TNFAIP8L2: variants seen among roughly 807,000 people sequenced by gnomAD.
TNFAIP8L2 encodes tumor necrosis factor alpha-induced protein 8-like protein 2.
Under a neutral mutation model 5.6 loss-of-function variants are expected in TNFAIP8L2, and 2 were observed. That is an observed-to-expected ratio of 0.36 (90% CI 0.15 to 1.13). The LOEUF is 1.13. TNFAIP8L2 is among the 50% of genes most tolerant of loss of function. The probability of loss-of-function intolerance (pLI) is 0.40; values close to 1 mark genes in which losing one functional copy is unlikely to be tolerated. For missense variants in TNFAIP8L2, 216 were observed against 241.8 expected (o/e 0.89, Z 0.71); for synonymous variants, 91 against 101.1 (o/e 0.90, Z 0.60).
chr1:151,157,915 A>G (rs1234428027), intron 1 of TNFAIP8L2, among the ~76,000 whole-genome samples: 2 of 152,198 alleles, frequency 1.3e-5, no homozygotes, highest in African/African-American at 4.8e-5. Flanking sequence ...GTTGCGTTTG[A>G]TCTTGGGTAA....
rs762705314 is a variant in TNFAIP8L2 at position 151,159,177 on chromosome 1, T to C, written c.480T>C (p.Tyr160=). ...ACCCAGGTCTGCTCACGGCCCTCTA[T>C]GGGCCTGACTTCACTCAGCACCTTG... ...FSDPGLLTAL[Y]GPDFTQHLGK... Residue 160 remains tyrosine, a synonymous_variant, in exon 2 of 2, where the codon TAT becomes TAC. Transcript: ENST00000368910. The C allele has an allele frequency of 1.3e-5, 21 of 1,614,068 alleles. 1 individual carries two copies. The South Asian group carries it at 2.3e-4, about 18-fold the overall frequency.
In TNFAIP8L2 at chr1:151,158,776, G is replaced by A. The variant is rs765205855; in HGVS notation, c.79G>A (p.Ala27Thr). The A allele has an allele frequency of 1.2e-6, 2 of 1,614,046 alleles. No individual in the cohort carries two copies. Among genetic ancestry groups the A allele is most frequent in the Middle Eastern group, 1.6e-4 (1 of 6,062 alleles). ...GAGTAAGATGGCGGGTCGCTCTGTGGCTCATCTCTTCATAGATGAGACAAG... is the reference window on the plus strand; with the variant it reads ...GAGTAAGATGGCGGGTCGCTCTGTGACTCATCTCTTCATAGATGAGACAAG... The part of the protein sequence containing the change: ...LLSKMAGRSV[A>T]HLFIDETSSE... The change falls in exon 2 of 2, where the codon GCT (alanine) becomes ACT (threonine). Residue 27 changes from alanine to threonine, a missense_variant. Coordinates refer to ENST00000368910, the MANE Select transcript of TNFAIP8L2 (RefSeq NM_024575.5).
chr1:151,159,128 G>T lies in TNFAIP8L2; in HGVS notation c.431G>T (p.Arg144Leu), dbSNP rs199843185. ...ACGCCCAAGTCACATGGCCGCATCC[G>T]CCACGTGTTTGATCACTTCTCTGAC... Reference protein sequence around the residue: ...HLTPKSHGRIRHVFDHFSDPG... With the variant: ...HLTPKSHGRILHVFDHFSDPG... The change falls in exon 2 of 2, where the codon CGC becomes CTC. Residue 144 changes from arginine (R) to leucine (L), a missense_variant. Physicochemically the swap from Arg to Leu is moderately radical, Grantham distance 102 (BLOSUM62 -2). Transcript: ENST00000368910. 24 of 1,614,124 alleles carry T rather than the reference G, an allele frequency of 1.5e-5. No individual in the cohort carries two copies. Among genetic ancestry groups the T allele is most frequent in the East Asian group, 1.3e-4 (6 of 44,890 alleles).
rs587726767 is a variant in TNFAIP8L2, at chr1:151,159,181, C to A, written c.484C>A (p.Pro162Thr). The A allele has an allele frequency of 3.7e-6, 6 of 1,614,194 alleles. No homozygotes were observed. In the South Asian group the frequency reaches 6.6e-5, roughly 18 times the overall value. ...DPGLLTALYGPDFTQHLGKIC... is the reference protein window; with the variant it reads ...DPGLLTALYGTDFTQHLGKIC... ...AGGTCTGCTCACGGCCCTCTATGGG[C>A]CTGACTTCACTCAGCACCTTGGCAA... is the stretch of plus-strand genomic sequence containing the variant. Residue 162 changes from proline to threonine, a missense_variant, in exon 2 of 2, where the codon CCT (proline) becomes ACT (threonine). Physicochemically the swap from Pro to Thr is conservative, Grantham distance 38. Coordinates refer to ENST00000368910, the MANE Select transcript of TNFAIP8L2 (RefSeq NM_024575.5).
At position 151,159,207 on chromosome 1, in the gene TNFAIP8L2, G is replaced by A; in HGVS notation, c.510G>A (p.Lys170=). The change falls in exon 2 of 2, where the codon AAG becomes AAA. Residue 170 remains lysine, a synonymous_variant. Transcript: ENST00000368910. ...CTGACTTCACTCAGCACCTTGGCAA[G>A]ATCTGTGACGGACTCAGGAAGCTGC... ...YGPDFTQHLG[K]ICDGLRKLLD... 1 of 1,614,114 alleles carries A rather than the reference G, an allele frequency of 6.2e-7. No individual in the cohort carries two copies.
In TNFAIP8L2 at chr1:151,159,453, T is replaced by A. The variant is rs1683357598; in HGVS notation, c.*201T>A. ...AGGAGCAATGCTGAGGGGTGAGGCC[T>A]CTCTCCCACTCCAGCCCCAGGACAG... On this transcript the variant is annotated 3_prime_UTR_variant, in exon 2 of 2. Transcript: ENST00000368910. 1 of 570,612 alleles carries A rather than the reference T, an allele frequency of 1.8e-6. No homozygotes were observed. Among genetic ancestry groups the A allele is most frequent in the Admixed American group, 3.1e-5 (1 of 31,772 alleles). The allele number at this position is 570,612 out of a possible 1,614,324, so 35.3% of individuals were successfully genotyped here.
chr1:151,159,000 A>C lies in TNFAIP8L2; in HGVS notation c.303A>C (p.Ala101=). 1 of 1,614,258 alleles carries C rather than the reference A, an allele frequency of 6.2e-7. No homozygotes were observed. Among genetic ancestry groups the C allele is most frequent in the Non-Finnish European group, 8.5e-7 (1 of 1,180,048 alleles). The change falls in exon 2 of 2, where the codon GCA becomes GCC. Residue 101 remains alanine (A), a synonymous_variant. Transcript: ENST00000368910. ...RQKLRQGAMT[A]LSFGEVDFTF... ...AGCTGCGGCAGGGTGCCATGACGGC[A>C]CTTAGCTTTGGTGAGGTAGACTTCA...
chr1:151,157,203 G>C (rs1329573182), intron 1 of TNFAIP8L2, among the ~76,000 whole-genome samples: 1 of 152,166 alleles, frequency 6.6e-6, no homozygotes, highest in East Asian at 1.9e-4. Flanking sequence ...CTTCCGGCTG[G>C]GGAGCATGGT....
chr1:151,157,118 C>T (rs1342635668), intron 1 of TNFAIP8L2, among the ~76,000 whole-genome samples: 3 of 152,000 alleles, frequency 2.0e-5, no homozygotes, highest in South Asian at 4.1e-4. Flanking sequence ...AAATGTGAGA[C>T]GGCAATGGGG....
At chr1:151,157,969 T>C (rs1303571156) in intron 1 of TNFAIP8L2, among the ~76,000 whole-genome samples, 1 of 152,054 alleles carries the variant, frequency 6.6e-6, no homozygotes, top group Non-Finnish European at 1.5e-5. Context: ...AAAACAAGGA[T>C]GGTAATATCT....
intron 1 of TNFAIP8L2, among the ~76,000 whole-genome samples, chr1:151,157,296 C>G (rs1683257666): frequency 1.3e-5 from 2 of 152,232 alleles, no homozygotes; most frequent in South Asian, 4.1e-4. Flanking sequence ...AAAACCCCCA[C>G]AGTCTCCACC....
chr1:151,157,349 G>C (rs954989885), intron 1 of TNFAIP8L2, among the ~76,000 whole-genome samples: 2 of 152,180 alleles, frequency 1.3e-5, no homozygotes, highest in African/African-American at 4.8e-5. Flanking sequence ...GGGGGAGAGG[G>C]CGAGGCTGCT....
At chr1:151,157,986 C>T (rs746121848) in intron 1 of TNFAIP8L2, among the ~76,000 whole-genome samples, 1 of 152,162 alleles carries the variant, frequency 6.6e-6, no homozygotes, top group Non-Finnish European at 1.5e-5. Flanking sequence ...ATCTATGCCA[C>T]ACAGACATAT....
chr1:151,156,917 C>G (rs947444389), intron 1 of TNFAIP8L2, among the ~76,000 whole-genome samples, 195 bp downstream of exon 1: 1 of 152,022 alleles, frequency 6.6e-6, no homozygotes, highest in Non-Finnish European at 1.5e-5. Context: ...GCGGTGGGGG[C>G]AGGGCTGAGG....
rs1183479795 is a variant in TNFAIP8L2, at chr1:151,159,140, A to T, written c.443A>T (p.Asp148Val). Residue 148 changes from aspartate to valine, a missense_variant, in exon 2 of 2, where the codon GAT becomes GTT. Transcript: ENST00000368910. Reference sequence around the variant, plus strand: ...CATGGCCGCATCCGCCACGTGTTTGATCACTTCTCTGACCCAGGTCTGCTC... The same window carrying T: ...CATGGCCGCATCCGCCACGTGTTTGTTCACTTCTCTGACCCAGGTCTGCTC... ...KSHGRIRHVFDHFSDPGLLTA... is the reference protein window; with the variant it reads ...KSHGRIRHVFVHFSDPGLLTA... 2 of 1,614,156 alleles carry T rather than the reference A, an allele frequency of 1.2e-6. No individual in the cohort carries two copies. The highest frequency in any genetic ancestry group is 2.7e-5 in the African/African-American group (2 of 75,052).
intron 1 of TNFAIP8L2, 104 bp from the exon 2 acceptor site, chr1:151,158,562 G>A (rs1225464966): frequency 2.3e-6 from 2 of 886,446 alleles, no homozygotes; most frequent in Non-Finnish European, 1.7e-6. Flanking sequence ...AGGGGGCGGA[G>A]AGGATGACAA....
chr1:151,158,149 G>A (rs1032154997), intron 1 of TNFAIP8L2, among the ~76,000 whole-genome samples: 2 of 151,654 alleles, frequency 1.3e-5, no homozygotes, highest in Admixed American at 6.6e-5. Flanking sequence ...ATGGTGAAAC[G>A]CTGTCTCTAC....
At position 151,159,581 on chromosome 1, in the gene TNFAIP8L2, A is replaced by C. The variant is rs1159961058; in HGVS notation, c.*329A>C. The stretch of plus-strand genomic sequence containing the variant: ...GCCCCCTCCCATGTGAACCAAGGAA[A>C]GGAGGCACAGCCCAGAGAACCCCTT... On this transcript the variant is annotated 3_prime_UTR_variant, in exon 2 of 2. Transcript: ENST00000368910. 1 of 296,992 alleles carries C rather than the reference A, an allele frequency of 3.4e-6. No individual in the cohort carries two copies. Among genetic ancestry groups the C allele is most frequent in the African/African-American group, 2.2e-5 (1 of 46,018 alleles). 18.4% of individuals were successfully genotyped at this position (296,992 alleles called of 1,614,324 possible). A position where few individuals can be genotyped will look rare whatever the true frequency, so the allele number is the denominator to read the frequency against.
chr1:151,159,173 T>C lies in TNFAIP8L2; in HGVS notation c.476T>C (p.Leu159Pro). The change falls in exon 2 of 2, where the codon CTC (leucine) becomes CCC (proline). Residue 159 changes from leucine to proline, a missense_variant. Physicochemically the swap from Leu to Pro is moderately conservative, Grantham distance 98. Transcript: ENST00000368910. ...HFSDPGLLTA[L>P]YGPDFTQHLG... ...TCTGACCCAGGTCTGCTCACGGCCC[T>C]CTATGGGCCTGACTTCACTCAGCAC... is the stretch of plus-strand genomic sequence containing the variant. The C allele has an allele frequency of 6.2e-7, 1 of 1,614,190 alleles. No homozygotes were observed. The highest frequency in any genetic ancestry group is 2.2e-5 in the East Asian group (1 of 44,884).
Sources: gnomAD v4.1 joint callset for allele counts (sites outside exome capture counted in the v4.1 genomes callset) on GRCh38, gnomAD v4.1.1 for gene constraint, MANE v1.5 for transcripts, NCBI Gene and HGNC (gene_info 2026-07-23, HGNC 2026-07-21) for gene names.